Variants in MYO5A observed in about 807,000 individuals in gnomAD.
MYO5A encodes the protein myosin VA, also known as unconventional myosin-Va.
MYO5A carries 98 observed loss-of-function variants against 249.7 expected under a neutral mutation model. The ratio of observed to expected loss-of-function variants is 0.39; its 90% confidence interval spans 0.33 to 0.46. The LOEUF (loss-of-function observed/expected upper bound fraction) is 0.46. MYO5A is among the 20% of genes least tolerant of loss of function. The probability of loss-of-function intolerance (pLI) is 0.98; values close to 1 mark genes in which losing one functional copy is unlikely to be tolerated. For synonymous variants in MYO5A, 778 were observed against 810.6 expected, an observed-to-expected ratio of 0.96 and a Z score of 0.68; for missense variants, 1,696 against 2,308.8, an observed-to-expected ratio of 0.73 and a Z score of 5.44.
chr15:52,407,423 T>A, intron 7 of MYO5A, 24 bp from the exon 8 acceptor site: 1 of 1,586,238 alleles, frequency 6.3e-7, no homozygotes, highest in East Asian at 2.2e-5. Flanking sequence ...AAATAAAAAT[T>A]TTCTGGTTTA....
chr15:52,418,871 T>C (rs1206686526), intron 4 of MYO5A, among the ~76,000 whole-genome samples: 2 of 152,192 alleles, frequency 1.3e-5, no homozygotes, highest in Non-Finnish European at 2.9e-5. Context: ...ATAGTTTTCA[T>C]TTTGTATGAA....
chr15:52,319,126 G>A lies in MYO5A; in HGVS notation c.5168C>T (p.Ala1723Val). 2 of 1,614,184 alleles carry A rather than the reference G, an allele frequency of 1.2e-6. No individual in the cohort carries two copies. The highest frequency in any genetic ancestry group is 2.7e-5 in the African/African-American group (2 of 75,046). Residue 1723 changes from alanine to valine, a missense_variant, in exon 39 of 42, where the codon GCC becomes GTC. This residue lies in a region of MYO5A where 625 missense variants were observed against 908.1 expected (regional missense o/e 0.69). Coordinates refer to ENST00000399233, the MANE Select transcript of MYO5A (RefSeq NM_001382347.1). ...CAGGAGAAGGTTGTTCAGGGTGATG[G>A]CCCCTATGATGTAGAACATCTGCTT... The part of the protein sequence containing the change: ...VVKQMFYIIG[A>V]ITLNNLLLRK...
At chr15:52,467,252 A>G (rs2076371594) in intron 1 of MYO5A, among the ~76,000 whole-genome samples, 1 of 152,276 alleles carries the variant, frequency 6.6e-6, no homozygotes, top group Non-Finnish European at 1.5e-5. Flanking sequence ...ATGAGATGCA[A>G]GAGAAATCTG....
At chr15:52,377,031 T>C (rs2041451471) in intron 18 of MYO5A, among the ~76,000 whole-genome samples, 1 of 151,706 alleles carries the variant, frequency 6.6e-6, no homozygotes, top group African/African-American at 2.4e-5. Context: ...ACCAAAATCC[T>C]TGGGTATTCA....
At position 52,528,796 on chromosome 15, in the gene MYO5A, G is replaced by C; in HGVS notation, c.11C>G (p.Ser4Trp). The change falls in exon 1 of 42, where the codon TCG becomes TGG. Residue 4 changes from serine to tryptophan, a missense_variant. This residue lies in a region of MYO5A where 197 missense variants were observed against 320.3 expected (regional missense o/e 0.62). Coordinates refer to ENST00000399233, the MANE Select transcript of MYO5A (RefSeq NM_001382347.1). ...GTGCCTTACCTTTGTGTAGAGCTCC[G>C]ACGCAGCCATGGCGGGCCCCGCGCG... MAASELYTKFARVW... is the reference protein window; with the variant it reads MAAWELYTKFARVW... 2.7e-6 allele frequency: 4 copies of C among 1,497,172 alleles called. No homozygotes were observed. The South Asian group carries it at 3.7e-5, about 14-fold the overall frequency. The allele number at this position is 1,497,172 out of a possible 1,614,324, so 92.7% of individuals were successfully genotyped here. A position where few individuals can be genotyped will look rare whatever the true frequency, so the allele number is the denominator to read the frequency against.
chr15:52,343,407 T>C (rs1395156263), intron 30 of MYO5A, among the ~76,000 whole-genome samples: 1 of 152,164 alleles, frequency 6.6e-6, no homozygotes, highest in Non-Finnish European at 1.5e-5. Context: ...TGGATAGAAA[T>C]TAAAGCAAAA....
rs2038303422 is a variant in MYO5A at position 52,321,367 on chromosome 15, G to A, written c.4943C>T (p.Pro1648Leu). The change falls in exon 38 of 42, where the codon CCA becomes CTA. Residue 1648 changes from proline to leucine, a missense_variant. Physicochemically the swap from Pro to Leu is moderately conservative, Grantham distance 98 (BLOSUM62 -3). Around this residue, in one of 5 missense-constraint regions of MYO5A, gnomAD observed 625 missense variants for 908.1 expected, o/e 0.69. Coordinates refer to ENST00000399233, the MANE Select transcript of MYO5A (RefSeq NM_001382347.1). ...LVRVLENILQ[P>L]MIVSGMLEHE... ...TGGGGCCCTGGCCTTACCAATCATT[G>A]GCTGAAGGATGTTCTCTAACACCCG... 6.2e-7 allele frequency: 1 copy of A among 1,614,196 alleles called. No individual in the cohort carries two copies. Among genetic ancestry groups the A allele is most frequent in the East Asian group, 2.2e-5 (1 of 44,872 alleles).
chr15:52,397,133 C>T, intron 10 of MYO5A, 68 bp downstream of exon 10: 2 of 1,569,508 alleles, frequency 1.3e-6, no homozygotes, highest in Non-Finnish European at 1.7e-6. Context: ...CAAATGCCCA[C>T]TTAGAGTTAC....
chr15:52,385,670 A>G (rs1325358252), intron 14 of MYO5A, among the ~76,000 whole-genome samples: 6 of 152,200 alleles, frequency 3.9e-5, no homozygotes, highest in African/African-American at 1.4e-4. Flanking sequence ...ACACTGTATT[A>G]CTACAAAAAT....
chr15:52,350,721 AG>A (rs1379966078), intron 28 of MYO5A, among the ~76,000 whole-genome samples: 4 of 152,292 alleles, frequency 2.6e-5, no homozygotes, highest in East Asian at 3.9e-4. Flanking sequence ...TCAGTGCAGG[AG>A]TCCTCTCTGT....
intron 5 of MYO5A, 77 bp from the exon 6 acceptor site, chr15:52,410,553 GA>G: frequency 1.5e-6 from 2 of 1,338,952 alleles, no homozygotes; most frequent in Non-Finnish European, 2.1e-6. Flanking sequence ...CTCAGAGAGA[GA>G]AAAGATGGAG....
intron 1 of MYO5A, among the ~76,000 whole-genome samples, chr15:52,462,278 AAG>A (rs200370930): frequency 8.0e-5 from 12 of 150,036 alleles, no homozygotes; most frequent in Middle Eastern, 3.5e-3. Flanking sequence ...AAAAAAAAAA[AAG>A]GTTTGATCAA....
At chr15:52,509,024 T>G (rs991327191) in intron 1 of MYO5A, among the ~76,000 whole-genome samples, 2 of 151,802 alleles carry the variant, frequency 1.3e-5, no homozygotes, top group Non-Finnish European at 2.9e-5. Context: ...CAGGCTGGAG[T>G]GCAATGGTTT....
intron 1 of MYO5A, among the ~76,000 whole-genome samples, chr15:52,507,802 C>T (rs1218145399): frequency 2.2e-5 from 2 of 92,956 alleles, no homozygotes; most frequent in East Asian, 2.9e-4. Flanking sequence ...AGACCCTGTC[C>T]CCAAAAAAAA....
intron 5 of MYO5A, among the ~76,000 whole-genome samples, chr15:52,413,305 T>A (rs1295302141): frequency 6.6e-6 from 1 of 151,616 alleles, no homozygotes; most frequent in East Asian, 1.9e-4. Flanking sequence ...CAAGACCCTG[T>A]CTCTTAAAAA....
chr15:52,471,346 G>A (rs1291503343), intron 1 of MYO5A, among the ~76,000 whole-genome samples: 2 of 152,156 alleles, frequency 1.3e-5, no homozygotes, highest in African/African-American at 4.8e-5. Context: ...GCTCACGCCT[G>A]TAATCCCAGC....
intron 34 of MYO5A, among the ~76,000 whole-genome samples, chr15:52,335,666 T>C (rs1452315625): frequency 6.6e-6 from 1 of 151,844 alleles, no homozygotes; most frequent in Non-Finnish European, 1.5e-5. Context: ...CAACAACTGA[T>C]ATTTGGTTAT....
In MYO5A at chr15:52,442,937, A is replaced by C. The variant is rs1014022595; in HGVS notation, c.28-9652T>G. Among the ~76,000 whole-genome samples, 4 of 151,874 alleles carry C rather than the reference A, an allele frequency of 2.6e-5. No homozygotes were observed. The South Asian group carries it at 8.3e-4, about 32-fold the overall frequency. On this transcript the variant is annotated intron_variant, in intron 1 of 41. Coordinates refer to ENST00000399233, the MANE Select transcript of MYO5A (RefSeq NM_001382347.1). ...CACCAATCCTGGCTAATTTTTAGTA[A>C]AGAAAGGGTTTCACCGTGTTAGCCA...
intron 10 of MYO5A, 150 bp downstream of exon 10, chr15:52,397,051 T>C (rs2141184958): frequency 1.1e-6 from 1 of 919,332 alleles, no homozygotes. Flanking sequence ...CGCAATTGCA[T>C]CACCATCATC....
Sources: allele counts gnomAD v4.1 joint callset (sites outside exome capture counted in the v4.1 genomes callset), GRCh38; gene constraint gnomAD v4.1.1; regional missense constraint gnomAD v4.1.1; transcripts MANE v1.5; gene names NCBI Gene and HGNC (gene_info 2026-07-23, HGNC 2026-07-21).